KAZALD1: variants seen among roughly 807,000 people sequenced by gnomAD.
KAZALD1 encodes the protein kazal-type serine protease inhibitor domain-containing protein 1.
KAZALD1 carries 31 observed loss-of-function variants against 27.7 expected under a neutral mutation model. The observed-to-expected ratio is 1.12, with a 90% CI of 0.84 to 1.51. The LOEUF (loss-of-function observed/expected upper bound fraction) is 1.51. Ranked by LOEUF, KAZALD1 falls within the 40% of genes most tolerant of loss-of-function variation. The pLI is 0.00. For synonymous variants in KAZALD1, 179 were observed against 182.0 expected, an observed-to-expected ratio of 0.98 and a Z score of 0.13; for missense variants, 444 against 408.9, an observed-to-expected ratio of 1.09 and a Z score of -0.74.
Position 101,062,930 on chromosome 10 carries a change from G to T in KAZALD1, c.338G>T (p.Gly113Val), listed in dbSNP as rs755862146. The change falls in exon 2 of 5, where the codon GGC (glycine) becomes GTC (valine). Residue 113 changes from glycine (G) to valine (V), a missense_variant. Physicochemically the swap from Gly to Val is moderately radical, Grantham distance 109. Transcript: ENST00000370200. The part of the protein sequence containing the change: ...GEQLECRLDT[G>V]GDLSRGEVPE... Reference sequence around the variant, plus strand: ...CAGCTTGAGTGCCGGCTGGACACAGGCGGCGACCTGAGCCGCGGAGAGGTG... The same window carrying T: ...CAGCTTGAGTGCCGGCTGGACACAGTCGGCGACCTGAGCCGCGGAGAGGTG... 41 of 1,602,522 alleles carry T rather than the reference G, an allele frequency of 2.6e-5. No homozygotes were observed. The highest frequency in any genetic ancestry group is 4.2e-6 in the Non-Finnish European group (5 of 1,179,570).
At chr10:101,064,717 A>G in intron 4 of KAZALD1, 69 bp downstream of exon 4, 2 of 1,607,836 alleles carry the variant, frequency 1.2e-6, no homozygotes, top group East Asian at 2.2e-5. Flanking sequence ...TGTGTAAGAA[A>G]CAGACCATGT....
In KAZALD1 at chr10:101,062,561, GC is replaced by G; in HGVS notation, c.-28del. 1.3e-6 allele frequency: 2 copies of G among 1,573,370 alleles called. No individual in the cohort carries two copies. The highest frequency in any genetic ancestry group is 1.7e-6 in the Non-Finnish European group (2 of 1,169,620). On this transcript the variant is annotated 5_prime_UTR_variant, in exon 2 of 5. Transcript: ENST00000370200. Reference sequence around the variant, plus strand: ...TGGCAGGGTGCCCGAACGCGCTGATGCCCCGAGTGCTCGCAGGGCTTCCCGC... The same window carrying G: ...TGGCAGGGTGCCCGAACGCGCTGATGCCCGAGTGCTCGCAGGGCTTCCCGC...
chr10:101,067,234 G>C (rs776733218), downstream of KAZALD1: 2 of 456,066 alleles, frequency 4.4e-6, no homozygotes, highest in Non-Finnish European at 8.8e-6. Flanking sequence ...CCATCCCCGC[G>C]TTTTGTGTCC....
intron 2 of KAZALD1, among the ~76,000 whole-genome samples, chr10:101,063,605 T>C (rs190863418): frequency 3.9e-5 from 6 of 152,348 alleles, no homozygotes; most frequent in African/African-American, 1.4e-4. Context: ...CCCTGGGGAC[T>C]GGGGTCCATT....
In KAZALD1 at chr10:101,066,652, C is replaced by G. The variant is rs1045065202; in HGVS notation, c.*1732C>G. 2.9e-5 allele frequency: 11 copies of G among 376,680 alleles called. No individual in the cohort carries two copies. The highest frequency in any genetic ancestry group is 2.1e-4 in the South Asian group (11 of 51,896). The allele number at this position is 376,680 out of a possible 1,614,324, so 23.3% of individuals were successfully genotyped here. A position where few individuals can be genotyped will look rare whatever the true frequency, so the allele number is the denominator to read the frequency against. On this transcript the variant is annotated 3_prime_UTR_variant, in exon 5 of 5. Coordinates refer to ENST00000370200, the MANE Select transcript of KAZALD1 (RefSeq NM_030929.5). The stretch of plus-strand genomic sequence containing the variant: ...TCCCAGCATCAGCCAGGGAATCCGC[C>G]CCTAGCTTGTTCTTCGCCCAGCTGG...
rs745758053 is a variant in KAZALD1, at chr10:101,064,823, C to T, written c.821-3C>T. On this transcript the variant is annotated splice_region_variant and splice_polypyrimidine_tract_variant and intron_variant, in intron 4 of 4. Coordinates refer to ENST00000370200, the MANE Select transcript of KAZALD1 (RefSeq NM_030929.5). Reference sequence around the variant, plus strand: ...TCTCTTCTTTGCCCATGTGTGTTTGCAGACCAGCTGAACTCTACAGGCATC... The same window carrying T: ...TCTCTTCTTTGCCCATGTGTGTTTGTAGACCAGCTGAACTCTACAGGCATC... 1.6e-5 allele frequency: 26 copies of T among 1,613,912 alleles called. No individual in the cohort carries two copies. The South Asian group carries it at 2.9e-4, about 18-fold the overall frequency.
chr10:101,063,357 C>A (rs1270893415), intron 2 of KAZALD1, among the ~76,000 whole-genome samples: 1 of 152,004 alleles, frequency 6.6e-6, no homozygotes, highest in Non-Finnish European at 1.5e-5. Context: ...CGTGAAAGCT[C>A]CAGAGCTGGC....
Position 101,064,404 on chromosome 10 carries a change from C to T in KAZALD1, c.655C>T (p.Pro219Ser). ...GGACATCCAGCTGCCAGGGGATGAC[C>T]CCCACATCTCTGTGCAGGTAGACTG... ...GLDIQLPGDD[P>S]HISVQFRGGP... Residue 219 changes from proline to serine, a missense_variant, in exon 3 of 5, where the codon CCC (proline) becomes TCC (serine). By Grantham distance (74) the Pro-to-Ser change is moderately conservative (BLOSUM62 -1). Coordinates refer to ENST00000370200, the MANE Select transcript of KAZALD1 (RefSeq NM_030929.5). 1 of 1,614,164 alleles carries T rather than the reference C, an allele frequency of 6.2e-7. No homozygotes were observed. Among genetic ancestry groups the T allele is most frequent in the Non-Finnish European group, 8.5e-7 (1 of 1,180,038 alleles).
chr10:101,063,818 G>C (rs979286147), intron 2 of KAZALD1, among the ~76,000 whole-genome samples: 1 of 152,254 alleles, frequency 6.6e-6, no homozygotes, highest in Non-Finnish European at 1.5e-5. Context: ...AGGGGGTACT[G>C]AGGAGGGAAC....
chr10:101,062,425 T>C (rs1939180917), intron 1 of KAZALD1, 117 bp from the exon 2 acceptor site: 1 of 1,018,034 alleles, frequency 9.8e-7, no homozygotes, highest in Non-Finnish European at 1.4e-6. Context: ...GGGAGGCTAC[T>C]TGGTAGCAGG....
At chr10:101,064,477 T>C in intron 3 of KAZALD1, 24 bp from the exon 4 acceptor site, 2 of 1,614,176 alleles carry the variant, frequency 1.2e-6, no homozygotes, top group Admixed American at 1.7e-5. Flanking sequence ...AGAAGGACCC[T>C]GCTGATTCCT....
downstream of KAZALD1, chr10:101,067,779 C>A: frequency 7.8e-6 from 3 of 382,878 alleles, no homozygotes; most frequent in Non-Finnish European, 1.6e-5. Flanking sequence ...GAACTGGAGC[C>A]CGAAGCTGGA....
Position 101,066,269 on chromosome 10 carries a change from C to G in KAZALD1, c.*1349C>G, listed in dbSNP as rs1413791232. 2.6e-6 allele frequency: 1 copy of G among 388,732 alleles called. No individual in the cohort carries two copies. Among genetic ancestry groups the G allele is most frequent in the Admixed American group, 2.8e-5 (1 of 35,868 alleles). The allele number at this position is 388,732 out of a possible 1,614,324, so 24.1% of individuals were successfully genotyped here. The stretch of plus-strand genomic sequence containing the variant: ...ACTGCGGGAGGGCCTGCCCTTGGCT[C>G]AGCGTCAGAGTTTGTCCTCTGGGGC... On this transcript the variant is annotated 3_prime_UTR_variant, in exon 5 of 5. Coordinates refer to ENST00000370200, the MANE Select transcript of KAZALD1 (RefSeq NM_030929.5).
chr10:101,062,669 C>T lies in KAZALD1; in HGVS notation c.77C>T (p.Pro26Leu). The change falls in exon 2 of 5, where the codon CCC becomes CTC. Residue 26 changes from proline (P) to leucine (L), a missense_variant. Coordinates refer to ENST00000370200, the MANE Select transcript of KAZALD1 (RefSeq NM_030929.5). ...LLLLLVVLTP[P>L]PTGARPSPGP... Reference sequence around the variant, plus strand: ...CTACTGCTGGTGGTGCTGACGCCGCCCCCGACCGGCGCAAGGCCATCCCCA... The same window carrying T: ...CTACTGCTGGTGGTGCTGACGCCGCTCCCGACCGGCGCAAGGCCATCCCCA... 5.2e-6 allele frequency: 8 copies of T among 1,549,656 alleles called. No homozygotes were observed. Among genetic ancestry groups the T allele is most frequent in the Non-Finnish European group, 6.9e-6 (8 of 1,155,822 alleles).
chr10:101,064,196 T>A lies in KAZALD1; in HGVS notation c.512-65T>A, dbSNP rs143588312. 2.0e-4 allele frequency: 321 copies of A among 1,585,412 alleles called. No individual in the cohort carries two copies. In the African/African-American group the frequency reaches 3.3e-3, roughly 16 times the overall value. ...TGTCCACAAAAATTTGTGTATCATG[T>A]CTTTGCCAGACTGGATGCCTTTGCT... On this transcript the variant is annotated intron_variant, in intron 2 of 4. Transcript: ENST00000370200.
At position 101,065,039 on chromosome 10, in the gene KAZALD1, G is replaced by A. The variant is rs978662431; in HGVS notation, c.*119G>A. ...CGACTGCTTTCATGCTGTCAGTAGG[G>A]ATGATCATGGGAGGCCTATTTGACT... On this transcript the variant is annotated 3_prime_UTR_variant, in exon 5 of 5. Coordinates refer to ENST00000370200, the MANE Select transcript of KAZALD1 (RefSeq NM_030929.5). The A allele has an allele frequency of 2.0e-5, 14 of 704,412 alleles. 2 individuals carry two copies. The South Asian group carries it at 2.4e-4, about 12-fold the overall frequency. The allele number at this position is 704,412 out of a possible 1,614,324, so 43.6% of individuals were successfully genotyped here.
chr10:101,068,008 T>C (rs1244703436), downstream of KAZALD1: 3 of 471,538 alleles, frequency 6.4e-6, no homozygotes, highest in Non-Finnish European at 1.3e-5. Context: ...AAGTTGGGAG[T>C]ACAGGAAGTA....
rs140069883 is a variant in KAZALD1 at position 101,064,403 on chromosome 10, C to G, written c.654C>G (p.Asp218Glu). 6.2e-7 allele frequency: 1 copy of G among 1,614,198 alleles called. No individual in the cohort carries two copies. Reference protein sequence around the residue: ...DGLDIQLPGDDPHISVQFRGG... With the variant: ...DGLDIQLPGDEPHISVQFRGG... ...TGGACATCCAGCTGCCAGGGGATGA[C>G]CCCCACATCTCTGTGCAGGTAGACT... The change falls in exon 3 of 5, where the codon GAC becomes GAG. Residue 218 changes from aspartate (D) to glutamate (E), a missense_variant. Asp to Glu is a conservative substitution (Grantham distance 45, BLOSUM62 2). Coordinates refer to ENST00000370200, the MANE Select transcript of KAZALD1 (RefSeq NM_030929.5).
chr10:101,062,948 G>C lies in KAZALD1; in HGVS notation c.356G>C (p.Gly119Ala). 6.2e-7 allele frequency: 1 copy of C among 1,602,194 alleles called. No homozygotes were observed. The highest frequency in any genetic ancestry group is 8.5e-7 in the Non-Finnish European group (1 of 1,179,468). ...RLDTGGDLSR[G>A]EVPEPLCACR... ...GACACAGGCGGCGACCTGAGCCGCG[G>C]AGAGGTGCCGGAACCTCTGTGTGCC... The change falls in exon 2 of 5, where the codon GGA becomes GCA. Residue 119 changes from glycine to alanine, a missense_variant. By Grantham distance (60) the Gly-to-Ala change is moderately conservative. Transcript: ENST00000370200.
Sources: allele counts gnomAD v4.1 joint callset (sites outside exome capture counted in the v4.1 genomes callset), GRCh38; gene constraint gnomAD v4.1.1; transcripts MANE v1.5; gene names NCBI Gene and HGNC (gene_info 2026-07-23, HGNC 2026-07-21).